Variants in PACSIN1 observed in about 807,000 individuals in gnomAD.
The protein encoded by PACSIN1 is protein kinase C and casein kinase substrate in neurons 1.
A neutral mutation model predicts 59.5 loss-of-function variants in PACSIN1; 15 were observed. The observed-to-expected ratio is 0.25, with a 90% confidence interval of 0.17 to 0.39. The LOEUF (loss-of-function observed/expected upper bound fraction) is 0.39, where lower values mean the gene tolerates loss of function less well. PACSIN1 is among the 10% of genes least tolerant of loss of function. The pLI, the probability that PACSIN1 is intolerant of heterozygous loss-of-function variation, is 1.00. For missense variants in PACSIN1, 420 were observed against 580.2 expected, an observed-to-expected ratio of 0.72 and a Z score of 2.84; for synonymous variants, 210 against 220.6, an observed-to-expected ratio of 0.95 and a Z score of 0.42.
chr6:34,522,532 A>G (rs115416985), intron 1 of PACSIN1, among the ~76,000 whole-genome samples: 5,968 of 152,208 alleles, frequency 0.039, 291 homozygotes, highest in African/African-American at 0.11. Flanking sequence ...GACAGAACCA[A>G]TTGGATGGAT....
At chr6:34,481,342 G>A (rs534830894) in intron 1 of PACSIN1, among the ~76,000 whole-genome samples, 3 of 152,162 alleles carry the variant, frequency 2.0e-5, no homozygotes, top group East Asian at 1.9e-4. Context: ...AAGCCACCGC[G>A]CCTGGCTTCT....
At chr6:34,527,695 A>C (rs184138235) in intron 3 of PACSIN1, 49 of 405,290 alleles carry the variant, frequency 1.2e-4, no homozygotes, top group East Asian at 9.5e-4. Context: ...AAAAAAAAAA[A>C]AACACTTTTT....
chr6:34,518,590 G>A lies in PACSIN1; in HGVS notation c.-63-7653G>A, dbSNP rs886215017. Among the ~76,000 whole-genome samples the A allele has an allele frequency of 1.3e-5, 2 of 152,206 alleles. No individual in the cohort carries two copies. Among genetic ancestry groups the A allele is most frequent in the African/African-American group, 4.8e-5 (2 of 41,440 alleles). On this transcript the variant is annotated intron_variant, in intron 1 of 9. Coordinates refer to ENST00000244458, the MANE Select transcript of PACSIN1 (RefSeq NM_020804.5). This position sits in a 1 kb window ranked among gnomAD's most constrained non-coding sequence, Gnocchi z 4.4. ...ATGACACAGGGAGACAAAAAAGGGT[G>A]CTTTACCAAGCAAGTTACCACTGCG...
chr6:34,532,129 G>A lies in PACSIN1; in HGVS notation c.1226-292G>A, dbSNP rs576270023. ...AGTGGGGGCAAGATTTAGATTGGTTGGTGCCAGGGGCGGAGTCAGAACCTG... is the reference window on the plus strand; with the variant it reads ...AGTGGGGGCAAGATTTAGATTGGTTAGTGCCAGGGGCGGAGTCAGAACCTG... On this transcript the variant is annotated intron_variant, in intron 9 of 9. Transcript: ENST00000244458. The surrounding 1 kb of genome is among the most constrained non-coding windows in gnomAD (Gnocchi z 5.2). 1.6e-4 allele frequency among the ~76,000 whole-genome samples: 25 copies of A among 152,134 alleles called. No individual in the cohort carries two copies. The highest frequency in any genetic ancestry group is 2.6e-4 in the Admixed American group (4 of 15,272).
chr6:34,489,250 A>C (rs1319626621), intron 1 of PACSIN1, among the ~76,000 whole-genome samples: 1 of 152,156 alleles, frequency 6.6e-6, no homozygotes, highest in Non-Finnish European at 1.5e-5. Context: ...GAATGTCTAA[A>C]TCAAGCTAAT....
At position 34,525,995 on chromosome 6, in the gene PACSIN1, G is replaced by T. The variant is rs1767474760; in HGVS notation, c.-63-248G>T. ...GGCTGGGGCTGGCTTCTGAACGGAG[G>T]TGCTCATACTGGATAGAGGATGGAT... On this transcript the variant is annotated intron_variant, in intron 1 of 9. Coordinates refer to ENST00000244458, the MANE Select transcript of PACSIN1 (RefSeq NM_020804.5). This position sits in a 1 kb window ranked among gnomAD's most constrained non-coding sequence, Gnocchi z 4.9. Among the ~76,000 whole-genome samples the T allele has an allele frequency of 6.6e-6, 1 of 152,058 alleles. No homozygotes were observed.
Position 34,529,928 on chromosome 6 carries a change from A to T in PACSIN1, c.788+87A>T. ...GCAGGGCATCCCAGCCCTCCATCAC[A>T]GTGACGGGAAGGGGAGGCAGAGCTG... On this transcript the variant is annotated intron_variant, in intron 6 of 9. Coordinates refer to ENST00000244458, the MANE Select transcript of PACSIN1 (RefSeq NM_020804.5). The surrounding 1 kb of genome is among the most constrained non-coding windows in gnomAD (Gnocchi z 6.3). 7.1e-7 allele frequency: 1 copy of T among 1,407,968 alleles called. No homozygotes were observed. The highest frequency in any genetic ancestry group is 2.4e-5 in the East Asian group (1 of 41,016). 87.2% of individuals were successfully genotyped at this position (1,407,968 alleles called of 1,614,324 possible).
At position 34,478,694 on chromosome 6, in the gene PACSIN1, G is replaced by A. The variant is rs181565317; in HGVS notation, c.-64+12424G>A. Among the ~76,000 whole-genome samples, 3 of 152,276 alleles carry A rather than the reference G, an allele frequency of 2.0e-5. No individual in the cohort carries two copies. The East Asian group carries it at 5.8e-4, about 29-fold the overall frequency. ...CCTATTTATCCATTTTTAAAGAAAT[G>A]AGTTGGTGCTGTAGCAACCTCCAAT... On this transcript the variant is annotated intron_variant, in intron 1 of 9. Transcript: ENST00000244458.
At chr6:34,489,747 G>A (rs1192185909) in intron 1 of PACSIN1, among the ~76,000 whole-genome samples, 1 of 152,214 alleles carries the variant, frequency 6.6e-6, no homozygotes, top group Non-Finnish European at 1.5e-5. Flanking sequence ...CTAACAGGGG[G>A]CCACGATGCC....
At chr6:34,494,071 C>G (rs896625544) in intron 1 of PACSIN1, among the ~76,000 whole-genome samples, 1 of 152,222 alleles carries the variant, frequency 6.6e-6, no homozygotes, top group South Asian at 2.1e-4. Context: ...GGCAAAGTCA[C>G]ACAGAAATCA....
chr6:34,495,015 A>C (rs1766927985), intron 1 of PACSIN1, among the ~76,000 whole-genome samples: 1 of 151,708 alleles, frequency 6.6e-6, no homozygotes, highest in Non-Finnish European at 1.5e-5. Flanking sequence ...AAGGCGCCTC[A>C]CTCTTAACAC....
chr6:34,523,298 A>G (rs1767429180), intron 1 of PACSIN1, among the ~76,000 whole-genome samples: 1 of 152,196 alleles, frequency 6.6e-6, no homozygotes, highest in Non-Finnish European at 1.5e-5. Context: ...CTTAAATCAT[A>G]AGATCACACA....
chr6:34,527,465 G>A lies in PACSIN1; in HGVS notation c.197G>A (p.Arg66His). ...YGQQLTDWAK[R>H]WRQLIEKGPQ... ...CAGCAGCTCACCGACTGGGCCAAGC[G>A]TTGGCGCCAGCTCATCGAGAAAGGT... is the stretch of plus-strand genomic sequence containing the variant. The change falls in exon 3 of 10, where the codon CGT (arginine) becomes CAT (histidine). Residue 66 changes from arginine to histidine, a missense_variant. Coordinates refer to ENST00000244458, the MANE Select transcript of PACSIN1 (RefSeq NM_020804.5). The A allele has an allele frequency of 1.3e-6, 2 of 1,594,618 alleles. No individual in the cohort carries two copies. Among genetic ancestry groups the A allele is most frequent in the Non-Finnish European group, 1.7e-6 (2 of 1,172,194 alleles).
rs1318747401 is a variant in PACSIN1 at position 34,514,123 on chromosome 6, C to T, written c.-63-12120C>T. 1.3e-5 allele frequency among the ~76,000 whole-genome samples: 2 copies of T among 152,130 alleles called. No individual in the cohort carries two copies. Among genetic ancestry groups the T allele is most frequent in the African/African-American group, 4.8e-5 (2 of 41,416 alleles). Reference sequence around the variant, plus strand: ...ACAGACTTGTGGAAATGCATGTGTGCAAATATATGTAATGGGCGTTTGTAT... The same window carrying T: ...ACAGACTTGTGGAAATGCATGTGTGTAAATATATGTAATGGGCGTTTGTAT... On this transcript the variant is annotated intron_variant, in intron 1 of 9. Transcript: ENST00000244458. The surrounding 1 kb of genome is among the most constrained non-coding windows in gnomAD (Gnocchi z 4.4).
rs1376920187 is a variant in PACSIN1 at position 34,526,507 on chromosome 6, A to G, written c.63+139A>G. 2.3e-5 allele frequency: 15 copies of G among 651,986 alleles called. No individual in the cohort carries two copies. The East Asian group carries it at 3.3e-4, about 14-fold the overall frequency. 40.4% of individuals were successfully genotyped at this position (651,986 alleles called of 1,614,324 possible). A position where few individuals can be genotyped will look rare whatever the true frequency, so the allele number is the denominator to read the frequency against. ...CCCTCCAAAGCCCTGGGTGTCCAAC[A>G]GGCAGCGGTAGCCATGAAGTGGCTA... On this transcript the variant is annotated intron_variant, in intron 2 of 9. Coordinates refer to ENST00000244458, the MANE Select transcript of PACSIN1 (RefSeq NM_020804.5).
At chr6:34,501,350 G>A (rs1228272693) in intron 1 of PACSIN1, among the ~76,000 whole-genome samples, 2 of 152,236 alleles carry the variant, frequency 1.3e-5, no homozygotes, top group Non-Finnish European at 2.9e-5. Context: ...GTCCCATGGT[G>A]GTGAAGGGGT....
intron 1 of PACSIN1, among the ~76,000 whole-genome samples, chr6:34,472,226 C>CG (rs1766580991): frequency 8.0e-6 from 1 of 125,366 alleles, no homozygotes; most frequent in African/African-American, 3.1e-5. Flanking sequence ...GAGCCGAGAT[C>CG]GGGCCACTGC....
At position 34,527,498 on chromosome 6, in the gene PACSIN1, C is replaced by T. The variant is rs760201225; in HGVS notation, c.220+10C>T. 3 of 1,583,044 alleles carry T rather than the reference C, an allele frequency of 1.9e-6. No homozygotes were observed. The highest frequency in any genetic ancestry group is 2.3e-5 in the South Asian group (2 of 86,260). On this transcript the variant is annotated intron_variant, in intron 3 of 9. Transcript: ENST00000244458. ...CAGCTCATCGAGAAAGGTGCTCCCC[C>T]AGGCTCACATCGTGCGCGCCCCCAG...
rs774710253 is a variant in PACSIN1 at position 34,529,581 on chromosome 6, G to T, written c.612+29G>T. The T allele has an allele frequency of 1.2e-6, 2 of 1,613,514 alleles. No homozygotes were observed. Among genetic ancestry groups the T allele is most frequent in the South Asian group, 1.1e-5 (1 of 91,060 alleles). ...CTGGCGGGCAGGGATGGCAGTAGGG[G>T]GTCTGGGGGCCCCTTGCAGAGGGTG... is the stretch of plus-strand genomic sequence containing the variant. On this transcript the variant is annotated intron_variant, in intron 5 of 9. Coordinates refer to ENST00000244458, the MANE Select transcript of PACSIN1 (RefSeq NM_020804.5). The surrounding 1 kb of genome is among the most constrained non-coding windows in gnomAD (Gnocchi z 6.3).
Sources: allele counts gnomAD v4.1 joint callset (sites outside exome capture counted in the v4.1 genomes callset), GRCh38; gene constraint gnomAD v4.1.1; non-coding constraint Gnocchi (gnomAD v3.1); transcripts MANE v1.5; gene names NCBI Gene and HGNC (gene_info 2026-07-23, HGNC 2026-07-21).